PRDX3: variants seen among roughly 807,000 people sequenced by gnomAD.
PRDX3 encodes peroxiredoxin 3.
Under a neutral mutation model 30.4 loss-of-function variants are expected in PRDX3, and 20 were observed. The ratio of observed to expected loss-of-function variants is 0.66; its 90% CI spans 0.46 to 0.96. The LOEUF (loss-of-function observed/expected upper bound fraction) is 0.96, where lower values mean the gene tolerates loss of function less well. Ranked by LOEUF, PRDX3 falls within the 40% of genes least tolerant of loss-of-function variation. The pLI, the probability that PRDX3 is intolerant of heterozygous loss-of-function variation, is 0.00. For synonymous variants in PRDX3, 124 were observed against 117.8 expected (o/e 1.05, Z -0.34); for missense variants, 322 against 318.3 (o/e 1.01, Z -0.09).
intron 5 of PRDX3, chr10:119,170,312 A>T (rs2133652144): frequency 6.6e-6 from 1 of 152,268 alleles, no homozygotes; most frequent in South Asian, 2.1e-4. Context: ...TTGAGGTGAA[A>T]CTGTTCCCAG....
In PRDX3 at chr10:119,167,980, C is replaced by T. The variant is rs972930064; in HGVS notation, c.*500G>A. On this transcript the variant is annotated 3_prime_UTR_variant, in exon 7 of 7. Transcript: ENST00000298510. ...CCACTTTTTAAAATAATACGATTCA[C>T]ATTTGCTTCAATCACATAAACATTC... 11 of 154,306 alleles carry T rather than the reference C, an allele frequency of 7.1e-5. No homozygotes were observed. Among genetic ancestry groups the T allele is most frequent in the African/African-American group, 2.4e-4 (10 of 41,472 alleles). 9.6% of individuals were successfully genotyped at this position (154,306 alleles called of 1,614,324 possible).
At chr10:119,174,398 G>C in intron 3 of PRDX3, 53 bp downstream of exon 3, 1 of 1,547,306 alleles carries the variant, frequency 6.5e-7, no homozygotes, top group Non-Finnish European at 8.7e-7. Flanking sequence ...GTGGGAACAG[G>C]ATATGTGCTT....
chr10:119,178,037 T>C (rs1164881141), intron 1 of PRDX3, among the ~76,000 whole-genome samples: 1 of 151,810 alleles, frequency 6.6e-6, no homozygotes, highest in Non-Finnish European at 1.5e-5. Context: ...CCGGCTATTT[T>C]TTTTTTTAGA....
At position 119,168,076 on chromosome 10, in the gene PRDX3, T is replaced by C. The variant is rs527936323; in HGVS notation, c.*404A>G. On this transcript the variant is annotated 3_prime_UTR_variant, in exon 7 of 7. Coordinates refer to ENST00000298510, the MANE Select transcript of PRDX3 (RefSeq NM_006793.5). ...TAGCTTAAAAGAAAATTCAGTTTAA[T>C]ACAAAGACATTCAAGATGAAAATTT... 42 of 171,254 alleles carry C rather than the reference T, an allele frequency of 2.5e-4. No individual in the cohort carries two copies. Among genetic ancestry groups the C allele is most frequent in the African/African-American group, 9.8e-4 (41 of 41,820 alleles). The allele number at this position is 171,254 out of a possible 1,614,324, so 10.6% of individuals were successfully genotyped here.
At chr10:119,173,966 A>G (rs1174725192) in intron 3 of PRDX3, 94 bp from the exon 4 acceptor site, 1 of 1,300,040 alleles carries the variant, frequency 7.7e-7, no homozygotes, top group African/African-American at 1.5e-5. Flanking sequence ...TGCTAAGGGT[A>G]AAAAAGGCAA....
intron 5 of PRDX3, chr10:119,171,059 G>C (rs1331183266): frequency 6.5e-6 from 1 of 154,638 alleles, no homozygotes; most frequent in African/African-American, 2.4e-5. Flanking sequence ...GTTTGCTTTT[G>C]AGACAGAGTC....
intron 4 of PRDX3, 139 bp downstream of exon 4, chr10:119,173,598 A>C: frequency 4.1e-6 from 4 of 980,642 alleles, no homozygotes; most frequent in Non-Finnish European, 5.9e-6. Flanking sequence ...AACAAGAGTG[A>C]AGCTCCGTCT....
chr10:119,174,075 G>A (rs971029842), intron 3 of PRDX3, among the ~76,000 whole-genome samples: 1 of 151,922 alleles, frequency 6.6e-6, no homozygotes, highest in Admixed American at 6.6e-5. Context: ...CAAAAAATGG[G>A]GAAAGGGAAC....
intron 5 of PRDX3, 101 bp downstream of exon 5, chr10:119,172,281 G>T: frequency 9.5e-7 from 1 of 1,052,794 alleles, no homozygotes; most frequent in Non-Finnish European, 1.4e-6. Context: ...GGATCTTCTG[G>T]TTTTAAAAAT....
intron 6 of PRDX3, 124 bp downstream of exon 6, chr10:119,169,053 A>G (rs1383225882): frequency 1.0e-6 from 1 of 992,688 alleles, no homozygotes; most frequent in African/African-American, 1.7e-5. Context: ...CAGCAGCTTC[A>G]CCCATTTGCA....
At chr10:119,169,078 T>C (rs1002703142) in intron 6 of PRDX3, 99 bp downstream of exon 6, 2 of 1,283,488 alleles carry the variant, frequency 1.6e-6, no homozygotes, top group African/African-American at 3.0e-5. Context: ...ATCTGCACGC[T>C]TGCTTCAAGA....
At chr10:119,176,562 T>A (rs1476306699) in intron 2 of PRDX3, among the ~76,000 whole-genome samples, 2 of 152,262 alleles carry the variant, frequency 1.3e-5, no homozygotes, top group African/African-American at 4.8e-5. Context: ...AACAGCTAAA[T>A]TTCGCTCAGA....
intron 4 of PRDX3, 44 bp downstream of exon 4, chr10:119,173,693 C>G: frequency 1.3e-6 from 2 of 1,590,690 alleles, no homozygotes; most frequent in Non-Finnish European, 1.7e-6. Flanking sequence ...TAGATTCTTC[C>G]AAGCAAGTTT....
At chr10:119,169,058 T>G in intron 6 of PRDX3, 119 bp downstream of exon 6, 3 of 698,078 alleles carry the variant, frequency 4.3e-6, no homozygotes, top group Non-Finnish European at 6.8e-6. Context: ...GCTTCACCCA[T>G]TTGCATATCA....
intron 1 of PRDX3, among the ~76,000 whole-genome samples, 179 bp from the exon 2 acceptor site, chr10:119,177,332 C>G (rs1470241057): frequency 6.6e-6 from 1 of 152,158 alleles, no homozygotes; most frequent in Non-Finnish European, 1.5e-5. Context: ...GCTTCCTTCT[C>G]CTAGGAGACT....
chr10:119,176,769 C>T (rs1848037319), intron 2 of PRDX3, among the ~76,000 whole-genome samples: 1 of 152,202 alleles, frequency 6.6e-6, no homozygotes, highest in Non-Finnish European at 1.5e-5. Flanking sequence ...GAAACTCTGA[C>T]AACCAACATG....
intron 4 of PRDX3, 30 bp from the exon 5 acceptor site, chr10:119,172,515 A>T: frequency 6.4e-7 from 1 of 1,558,734 alleles, no homozygotes; most frequent in Non-Finnish European, 8.9e-7. Context: ...GACTGTTAGA[A>T]TGTGTGGCCT....
chr10:119,169,045 G>C, intron 6 of PRDX3, 132 bp downstream of exon 6: 145 of 701,648 alleles, frequency 2.1e-4, no homozygotes, highest in East Asian at 6.2e-4. Context: ...CTACCCCACA[G>C]CAGCTTCACC....
rs1210926410 is a variant in PRDX3, at chr10:119,177,215, C to T, written c.37-62G>A. Reference sequence around the variant, plus strand: ...GACTGGTGACTGAAGGCTGAAAGGGCATCGTGCCAACGGTGGTTTCAGCTG... The same window carrying T: ...GACTGGTGACTGAAGGCTGAAAGGGTATCGTGCCAACGGTGGTTTCAGCTG... On this transcript the variant is annotated intron_variant, in intron 1 of 6. Transcript: ENST00000298510. 6 of 1,569,778 alleles carry T rather than the reference C, an allele frequency of 3.8e-6. No homozygotes were observed. In the African/African-American group the frequency reaches 8.1e-5, roughly 21 times the overall value.
Sources: allele counts gnomAD v4.1 joint callset (sites outside exome capture counted in the v4.1 genomes callset), GRCh38; gene constraint gnomAD v4.1.1; transcripts MANE v1.5; gene names NCBI Gene and HGNC (gene_info 2026-07-23, HGNC 2026-07-21).